The following MACROH2A2 variants were observed in gnomAD, a reference collection of about 807,000 sequenced individuals.
MACROH2A2 encodes the protein macroH2A.2 histone, also known as core histone macro-H2A.2.
A neutral mutation model predicts 37.6 loss-of-function variants in MACROH2A2; 6 were observed. The ratio of observed to expected loss-of-function variants is 0.16; its 90% confidence interval spans 0.09 to 0.32. The LOEUF is 0.32. Ranked by LOEUF, MACROH2A2 falls within the 10% of genes least tolerant of loss-of-function variation. The probability of loss-of-function intolerance (pLI) is 1.00; values close to 1 mark genes in which losing one functional copy is unlikely to be tolerated. For missense variants in MACROH2A2, 290 were observed against 485.9 expected (o/e 0.60, Z 3.79); for synonymous variants, 192 against 202.7 (o/e 0.95, Z 0.45).
At chr10:70,062,771 T>G (rs1225932970) in intron 1 of MACROH2A2, among the ~76,000 whole-genome samples, 1 of 152,144 alleles carries the variant, frequency 6.6e-6, no homozygotes, top group Non-Finnish European at 1.5e-5. Flanking sequence ...TAGAAAAAAA[T>G]GGTCATTTAA....
Position 70,109,091 on chromosome 10 carries a change from T to G in MACROH2A2, c.837T>G (p.Pro279=). The G allele has an allele frequency of 1.9e-6, 3 of 1,613,870 alleles. No homozygotes were observed. Among genetic ancestry groups the G allele is most frequent in the Middle Eastern group, 1.6e-4 (1 of 6,062 alleles). The change falls in exon 8 of 9, where the codon CCT becomes CCG. Residue 279 remains proline (P), a synonymous_variant. Coordinates refer to ENST00000373255, the MANE Select transcript of MACROH2A2 (RefSeq NM_018649.3). ...AATTTGTCATCCACTGTCACATCCC[T>G]CAGTGGGGCTCCGACAAATGTGAAG... ...AAKFVIHCHI[P]QWGSDKCEEQ...
At chr10:70,091,512 C>T (rs563058929) in intron 3 of MACROH2A2, among the ~76,000 whole-genome samples, 1 of 152,128 alleles carries the variant, frequency 6.6e-6, no homozygotes, top group African/African-American at 2.4e-5. Context: ...CCTGTCTCTA[C>T]TAAAAATACA....
At chr10:70,065,023 T>TC (rs1248463929) in intron 1 of MACROH2A2, among the ~76,000 whole-genome samples, 2 of 138,184 alleles carry the variant, frequency 1.4e-5, no homozygotes, top group Non-Finnish European at 1.6e-5. Flanking sequence ...TCCTTCATTC[T>TC]TTTTTTTTTT....
chr10:70,111,791 CG>C lies in MACROH2A2; in HGVS notation c.*111del. The C allele has an allele frequency of 2.1e-6, 2 of 944,616 alleles. No homozygotes were observed. Among genetic ancestry groups the C allele is most frequent in the African/African-American group, 1.7e-5 (1 of 58,986 alleles). 58.5% of individuals were successfully genotyped at this position (944,616 alleles called of 1,614,324 possible). ...TGATGGCAGGGGAGTGGAGGGTGGC[CG>C]GGCAGGTCCTGCCGGCGCAGGGAGC... On this transcript the variant is annotated 3_prime_UTR_variant, in exon 9 of 9. Transcript: ENST00000373255.
chr10:70,073,173 A>G (rs1589832946), intron 1 of MACROH2A2, among the ~76,000 whole-genome samples: 1 of 152,220 alleles, frequency 6.6e-6, no homozygotes, highest in East Asian at 1.9e-4. Flanking sequence ...CAACCCAGCT[A>G]GCAAACACGT....
intron 1 of MACROH2A2, among the ~76,000 whole-genome samples, chr10:70,062,389 G>A (rs2072055118): frequency 6.6e-6 from 1 of 152,136 alleles, no homozygotes; most frequent in Non-Finnish European, 1.5e-5. Context: ...TGAATAAATT[G>A]AATAAATTTC....
At chr10:70,058,797 A>G (rs933481463) in intron 1 of MACROH2A2, among the ~76,000 whole-genome samples, 3 of 152,180 alleles carry the variant, frequency 2.0e-5, no homozygotes, top group Non-Finnish European at 4.4e-5. Flanking sequence ...CTTTTAGGTC[A>G]GGTGGTAATT....
intron 1 of MACROH2A2, among the ~76,000 whole-genome samples, chr10:70,059,768 CCCGTGGTCCA>C (rs2072040437): frequency 6.6e-6 from 1 of 152,314 alleles, no homozygotes; most frequent in South Asian, 2.1e-4. Context: ...AGGCTCCCTC[CCCGTGGTCCA>C]CCGCACCTTC....
intron 1 of MACROH2A2, among the ~76,000 whole-genome samples, chr10:70,059,866 T>C (rs943210723): frequency 2.0e-5 from 3 of 152,090 alleles, no homozygotes; most frequent in Admixed American, 2.0e-4. Context: ...GGCCAGTGGC[T>C]GGTTACACCC....
intron 1 of MACROH2A2, among the ~76,000 whole-genome samples, chr10:70,064,453 G>A (rs554474402): frequency 6.6e-6 from 1 of 152,308 alleles, no homozygotes; most frequent in Non-Finnish European, 1.5e-5. Flanking sequence ...TGCTCATTCT[G>A]GCATTTGGGG....
intron 4 of MACROH2A2, 151 bp from the exon 5 acceptor site, chr10:70,093,584 T>C (rs1292840939): frequency 8.5e-6 from 5 of 587,372 alleles, no homozygotes; most frequent in Middle Eastern, 4.3e-4. Flanking sequence ...TTGCTGACTT[T>C]TGCTCCCCTC....
intron 1 of MACROH2A2, among the ~76,000 whole-genome samples, chr10:70,072,456 T>A (rs1380393113): frequency 1.3e-5 from 2 of 152,190 alleles, no homozygotes; most frequent in East Asian, 3.8e-4. Context: ...GAATACCTCC[T>A]GAAGGATCCA....
chr10:70,075,405 T>C lies in MACROH2A2; in HGVS notation c.-59-195T>C, dbSNP rs1259339894. Among the ~76,000 whole-genome samples, 3 of 152,116 alleles carry C rather than the reference T, an allele frequency of 2.0e-5. No homozygotes were observed. Among genetic ancestry groups the C allele is most frequent in the Non-Finnish European group, 4.4e-5 (3 of 68,018 alleles). ...GGCTGCTTTGGTGGGGGAGGGATGT[T>C]TGTGGGTGGGCTTGCCCATGCCCTT... On this transcript the variant is annotated intron_variant, in intron 1 of 8. Coordinates refer to ENST00000373255, the MANE Select transcript of MACROH2A2 (RefSeq NM_018649.3). This position sits in a 1 kb window ranked among gnomAD's most constrained non-coding sequence, Gnocchi z 5.0.
chr10:70,102,493 C>T (rs568211317), intron 7 of MACROH2A2, among the ~76,000 whole-genome samples: 1 of 152,018 alleles, frequency 6.6e-6, no homozygotes, highest in African/African-American at 2.4e-5. Flanking sequence ...CTGAGGCAGG[C>T]GGATCACGAG....
chr10:70,110,312 G>T (rs1170210085), intron 8 of MACROH2A2, among the ~76,000 whole-genome samples: 1 of 152,082 alleles, frequency 6.6e-6, no homozygotes, highest in African/African-American at 2.4e-5. Context: ...TGGAACCTGG[G>T]GCCTTTAACA....
At chr10:70,074,833 A>G (rs1232877413) in intron 1 of MACROH2A2, among the ~76,000 whole-genome samples, 2 of 152,180 alleles carry the variant, frequency 1.3e-5, no homozygotes, top group African/African-American at 4.8e-5. Flanking sequence ...TTCTTTATAA[A>G]TTACCCAGTC....
intron 1 of MACROH2A2, among the ~76,000 whole-genome samples, chr10:70,056,296 G>GGA (rs1340849347): frequency 6.6e-6 from 1 of 152,060 alleles, no homozygotes; most frequent in African/African-American, 2.4e-5. Flanking sequence ...TGTCCAGGCT[G>GGA]GAGTGCATTG....
intron 1 of MACROH2A2, among the ~76,000 whole-genome samples, chr10:70,063,670 C>T (rs2072061963): frequency 1.3e-5 from 2 of 152,216 alleles, no homozygotes; most frequent in Admixed American, 6.5e-5. Flanking sequence ...TTTTCAGTTT[C>T]CAGTTCAAAA....
intron 7 of MACROH2A2, among the ~76,000 whole-genome samples, chr10:70,105,738 T>A (rs1482303190): frequency 2.5e-5 from 2 of 78,588 alleles, no homozygotes; most frequent in East Asian, 3.3e-4. Flanking sequence ...TGGATGAGGG[T>A]GGGGGTGGAG....
Sources: allele counts gnomAD v4.1 joint callset (sites outside exome capture counted in the v4.1 genomes callset), GRCh38; gene constraint gnomAD v4.1.1; non-coding constraint Gnocchi (gnomAD v3.1); transcripts MANE v1.5; gene names NCBI Gene and HGNC (gene_info 2026-07-23, HGNC 2026-07-21).